The following CEP170 variants were observed in gnomAD, a reference collection of about 807,000 sequenced individuals.
CEP170 encodes centrosomal protein of 170 kDa.
CEP170 carries 21 observed loss-of-function variants against 151.9 expected under a neutral mutation model. The ratio of observed to expected loss-of-function variants is 0.14; its 90% CI spans 0.10 to 0.20. CEP170 has a LOEUF of 0.20. Among genes scored for constraint, CEP170 ranks in the 10% least tolerant of loss-of-function variants. The pLI, the probability that CEP170 is intolerant of heterozygous loss-of-function variation, is 1.00. For synonymous variants in CEP170, 356 were observed against 648.8 expected (o/e 0.55, Z 6.86); for missense variants, 964 against 1,892.9 (o/e 0.51, Z 9.11).
intron 7 of CEP170, among the ~76,000 whole-genome samples, chr1:243,195,261 T>C (rs968592764): frequency 1.3e-5 from 2 of 151,920 alleles, no homozygotes; most frequent in African/African-American, 4.8e-5. Flanking sequence ...CAGTTGCACA[T>C]GCCATTTCAA....
chr1:243,204,308 T>C (rs1353283888), intron 4 of CEP170, among the ~76,000 whole-genome samples: 3 of 152,190 alleles, frequency 2.0e-5, no homozygotes, highest in Non-Finnish European at 2.9e-5. Context: ...GTGGTATATA[T>C]AGTGCTGGAA....
At chr1:243,191,995 G>A (rs1027244202) in intron 7 of CEP170, among the ~76,000 whole-genome samples, 2 of 152,182 alleles carry the variant, frequency 1.3e-5, no homozygotes, top group African/African-American at 2.4e-5. Flanking sequence ...AAGTAAATAT[G>A]TAAGTGATCT....
At chr1:243,203,150 T>C (rs1369646112) in intron 4 of CEP170, among the ~76,000 whole-genome samples, 2 of 152,182 alleles carry the variant, frequency 1.3e-5, no homozygotes, top group Non-Finnish European at 2.9e-5. Flanking sequence ...GCCCCAGCTT[T>C]TCCCTCCAAG....
At chr1:243,194,970 A>G (rs1487013936) in intron 7 of CEP170, among the ~76,000 whole-genome samples, 2 of 151,792 alleles carry the variant, frequency 1.3e-5, no homozygotes, top group African/African-American at 4.8e-5. Context: ...CCTTAACACA[A>G]TATGTTATAA....
Position 243,124,770 on chromosome 1 carries a change from C to G in CEP170, c.*1679G>C, listed in dbSNP as rs551686722. ...CCCTGTTTTAACATTTCGTTTATTC[C>G]TTCAAAGCATTTGTATCTTTCCATT... On this transcript the variant is annotated 3_prime_UTR_variant, in exon 20 of 20. Coordinates refer to ENST00000366542, the MANE Select transcript of CEP170 (RefSeq NM_014812.3). The G allele has an allele frequency of 3.3e-5, 5 of 152,626 alleles. No individual in the cohort carries two copies. In the East Asian group the frequency reaches 9.7e-4, roughly 29 times the overall value. 9.5% of individuals were successfully genotyped at this position (152,626 alleles called of 1,614,324 possible).
intron 1 of CEP170, among the ~76,000 whole-genome samples, chr1:243,230,653 G>C (rs1396480471): frequency 6.6e-6 from 1 of 152,186 alleles, no homozygotes. Flanking sequence ...ATATGAGGAG[G>C]AGTTAGAAAG....
intron 1 of CEP170, among the ~76,000 whole-genome samples, chr1:243,234,514 T>C (rs1211020037): frequency 6.6e-6 from 1 of 152,190 alleles, no homozygotes; most frequent in East Asian, 1.9e-4. Flanking sequence ...GAACCAGCAG[T>C]AAAGCTTATC....
intron 1 of CEP170, among the ~76,000 whole-genome samples, chr1:243,251,762 C>G (rs58187242): frequency 0.08 from 12,215 of 152,172 alleles, 1,618 homozygotes; most frequent in African/African-American, 0.28. Context: ...TCTATACTTT[C>G]TGCAATTCCT....
rs750583623 is a variant in CEP170, at chr1:243,191,146, A to C, written c.980T>G (p.Met327Arg). 2 of 1,613,246 alleles carry C rather than the reference A, an allele frequency of 1.2e-6. No homozygotes were observed. Among genetic ancestry groups the C allele is most frequent in the Non-Finnish European group, 1.7e-6 (2 of 1,179,490 alleles). The change falls in exon 8 of 20, where the codon ATG becomes AGG. Residue 327 changes from methionine (M) to arginine (R), a missense_variant. Physicochemically the swap from Met to Arg is moderately conservative, Grantham distance 91. Transcript: ENST00000366542. Reference protein sequence around the residue: ...QDLLGIQTGMMAPENKVADWL... With the variant: ...QDLLGIQTGMRAPENKVADWL... Reference sequence around the variant, plus strand: ...GTCAGCAACTTTGTTTTCGGGTGCCATCATTCCTGTTTGAATCCCCAGCAA... The same window carrying C: ...GTCAGCAACTTTGTTTTCGGGTGCCCTCATTCCTGTTTGAATCCCCAGCAA...
chr1:243,224,133 C>G (rs1033092177), intron 2 of CEP170, among the ~76,000 whole-genome samples: 1 of 152,150 alleles, frequency 6.6e-6, no homozygotes, highest in African/African-American at 2.4e-5. Context: ...ATATTCACAA[C>G]CCATTTGGAT....
chr1:243,233,532 G>C (rs572662214), intron 1 of CEP170, among the ~76,000 whole-genome samples: 13 of 151,992 alleles, frequency 8.6e-5, no homozygotes, highest in African/African-American at 3.1e-4. Flanking sequence ...AGGAGATCAA[G>C]ACCATCCTGG....
Position 243,212,688 on chromosome 1 carries a change from T to TTA in CEP170, c.196-725_196-724insTA, listed in dbSNP as rs1553383612. Among the ~76,000 whole-genome samples, 634 of 149,902 alleles carry TTA rather than the reference T, an allele frequency of 4.2e-3. 3 individuals are homozygous for TTA. Among genetic ancestry groups the TTA allele is most frequent in the African/African-American group, 0.014 (584 of 41,008 alleles). On this transcript the variant is annotated intron_variant, in intron 3 of 19. Coordinates refer to ENST00000366542, the MANE Select transcript of CEP170 (RefSeq NM_014812.3). The stretch of plus-strand genomic sequence containing the variant: ...CACATTTACTATTATATTTTCTTTC[T>TTA]TCTCTCTCTCTCTCTTTCTTTCAGG...
At chr1:243,227,144 T>C (rs1322934725) in intron 1 of CEP170, among the ~76,000 whole-genome samples, 1 of 152,212 alleles carries the variant, frequency 6.6e-6, no homozygotes, top group Non-Finnish European at 1.5e-5. Context: ...CACTCGTTAA[T>C]ATTACCACCT....
At chr1:243,198,438 A>G (rs1344800692) in intron 7 of CEP170, among the ~76,000 whole-genome samples, 1 of 152,102 alleles carries the variant, frequency 6.6e-6, no homozygotes, top group Admixed American at 6.5e-5. Context: ...TCTCATTACA[A>G]TGAGCACACT....
chr1:243,230,991 C>T (rs1197840217), intron 1 of CEP170, among the ~76,000 whole-genome samples: 1 of 151,642 alleles, frequency 6.6e-6, no homozygotes, highest in East Asian at 1.9e-4. Context: ...AAAACAGTGA[C>T]AGAAGTGACT....
At chr1:243,140,950 T>A (rs2055763048) in intron 15 of CEP170, among the ~76,000 whole-genome samples, 1 of 152,268 alleles carries the variant, frequency 6.6e-6, no homozygotes, top group Non-Finnish European at 1.5e-5. Flanking sequence ...ATCCTTAAGG[T>A]TTTCATCAAT....
At chr1:243,197,742 C>G (rs977449757) in intron 7 of CEP170, among the ~76,000 whole-genome samples, 1 of 152,046 alleles carries the variant, frequency 6.6e-6, no homozygotes, top group African/African-American at 2.4e-5. Context: ...CTGAAGTAAA[C>G]AACCCTCATG....
rs547336094 is a variant in CEP170, at chr1:243,186,046, C to T, written c.1299G>A (p.Gly433=). 8.1e-6 allele frequency: 13 copies of T among 1,613,588 alleles called. No individual in the cohort carries two copies. Among genetic ancestry groups the T allele is most frequent in the African/African-American group, 1.3e-5 (1 of 74,916 alleles). ...AVTSSAHHRG[G]HGVPHGKLLK... ...ACAATTTCCCATGTGGAACACCATG[C>T]CCCCCTCTGTGATGCGCAGAGCTAG... The change falls in exon 10 of 20, where the codon GGG becomes GGA. Residue 433 remains glycine, a synonymous_variant. Coordinates refer to ENST00000366542, the MANE Select transcript of CEP170 (RefSeq NM_014812.3).
At chr1:243,154,893 G>A (rs1470711622) in intron 14 of CEP170, among the ~76,000 whole-genome samples, 1 of 152,076 alleles carries the variant, frequency 6.6e-6, no homozygotes, top group African/African-American at 2.4e-5. Context: ...CCTGCCAGGA[G>A]GCATCTAGAC....
Sources: gnomAD v4.1 joint callset for allele counts (sites outside exome capture counted in the v4.1 genomes callset) on GRCh38, gnomAD v4.1.1 for gene constraint, MANE v1.5 for transcripts, NCBI Gene and HGNC (gene_info 2026-07-23, HGNC 2026-07-21) for gene names.